SIPA1L2: variants seen among roughly 807,000 people sequenced by gnomAD.
SIPA1L2 encodes signal-induced proliferation-associated 1-like protein 2.
SIPA1L2 carries 56 observed loss-of-function variants against 163.9 expected under a neutral mutation model. The ratio of observed to expected loss-of-function variants is 0.34; its 90% CI spans 0.28 to 0.43. The LOEUF is 0.43. Ranked by LOEUF, SIPA1L2 falls within the 20% of genes least tolerant of loss-of-function variation. The pLI is 1.00. For synonymous variants in SIPA1L2, 877 were observed against 865.7 expected, an observed-to-expected ratio of 1.01 and a Z score of -0.23; for missense variants, 1,974 against 2,193.5, an observed-to-expected ratio of 0.90 and a Z score of 2.00.
chr1:232,530,485 C>T (rs1418936711), intron 2 of SIPA1L2, among the ~76,000 whole-genome samples: 1 of 152,116 alleles, frequency 6.6e-6, no homozygotes, highest in Non-Finnish European at 1.5e-5. Context: ...AAGCACATGC[C>T]TGAGGCCCTC....
At chr1:232,539,423 A>G (rs1346950205) in intron 2 of SIPA1L2, among the ~76,000 whole-genome samples, 2 of 152,238 alleles carry the variant, frequency 1.3e-5, no homozygotes, top group African/African-American at 4.8e-5. Flanking sequence ...CCTAAAAGTC[A>G]AACAACCCTG....
intron 9 of SIPA1L2, chr1:232,462,340 G>A: frequency 1.3e-6 from 2 of 1,538,170 alleles, no homozygotes; most frequent in Non-Finnish European, 1.7e-6. Flanking sequence ...TGAAGTTTCA[G>A]TTTAATGAAC....
chr1:232,436,563 A>G (rs985986695), intron 15 of SIPA1L2, among the ~76,000 whole-genome samples: 15 of 152,164 alleles, frequency 9.9e-5, no homozygotes, highest in African/African-American at 3.6e-4. Flanking sequence ...AGGGGACTGC[A>G]AGGCTGCCTG....
intron 1 of SIPA1L2, among the ~76,000 whole-genome samples, chr1:232,625,624 A>G (rs1157749129): frequency 6.6e-6 from 1 of 152,122 alleles, no homozygotes; most frequent in Non-Finnish European, 1.5e-5. Flanking sequence ...CTATGACAAG[A>G]CACTCCTGCT....
chr1:232,463,573 T>C (rs1185792274), intron 9 of SIPA1L2, among the ~76,000 whole-genome samples: 1 of 152,232 alleles, frequency 6.6e-6, no homozygotes, highest in East Asian at 1.9e-4. Flanking sequence ...AGCAAATGTA[T>C]AAAAGCCCAT....
Position 232,557,231 on chromosome 1 carries a change from C to T in SIPA1L2, c.-270+16943G>A, listed in dbSNP as rs141563484. 8.0e-3 allele frequency among the ~76,000 whole-genome samples: 1,213 copies of T among 152,208 alleles called. 15 individuals carry two copies. The highest frequency in any genetic ancestry group is 0.026 in the African/African-American group (1,067 of 41,512). On this transcript the variant is annotated intron_variant, in intron 2 of 22. Transcript: ENST00000674635. ...ATAGGAAGATATAACATACAGTGAA[C>T]GCCTGCCAGGGGTTGGGCTCCATTT...
chr1:232,577,258 A>G (rs371429598), intron 1 of SIPA1L2, among the ~76,000 whole-genome samples: 1 of 152,222 alleles, frequency 6.6e-6, no homozygotes, highest in Non-Finnish European at 1.5e-5. Context: ...ATGTGTTTAC[A>G]GCATTATTTA....
chr1:232,471,598 A>C (rs1169982856), intron 7 of SIPA1L2, 70 bp from the exon 8 acceptor site: 1 of 1,276,460 alleles, frequency 7.8e-7, no homozygotes, highest in African/African-American at 1.6e-5. Flanking sequence ...TAATTCACTC[A>C]TCTTTCAATT....
chr1:232,563,146 T>C (rs1407799329), intron 2 of SIPA1L2, among the ~76,000 whole-genome samples: 1 of 152,196 alleles, frequency 6.6e-6, no homozygotes, highest in Non-Finnish European at 1.5e-5. Flanking sequence ...ATAAACCTAT[T>C]GTGTGGTGTA....
At chr1:232,545,209 A>G (rs1169078192) in intron 2 of SIPA1L2, among the ~76,000 whole-genome samples, 2 of 152,262 alleles carry the variant, frequency 1.3e-5, no homozygotes, top group Non-Finnish European at 2.9e-5. Context: ...ACTCTTCTAC[A>G]AGGTTCCCTG....
intron 1 of SIPA1L2, among the ~76,000 whole-genome samples, chr1:232,606,279 C>T (rs140633697): frequency 5.9e-5 from 9 of 152,144 alleles, no homozygotes; most frequent in African/African-American, 1.9e-4. Context: ...CATTAACAGG[C>T]GTGAAAGAGG....
intron 18 of SIPA1L2, among the ~76,000 whole-genome samples, chr1:232,419,291 T>G (rs572406903): frequency 6.6e-6 from 1 of 152,338 alleles, no homozygotes; most frequent in South Asian, 2.1e-4. Context: ...TAGATCTCCA[T>G]GAATAATCAA....
intron 9 of SIPA1L2, among the ~76,000 whole-genome samples, chr1:232,464,041 C>G (rs1285658488): frequency 6.6e-6 from 1 of 151,712 alleles, no homozygotes; most frequent in African/African-American, 2.4e-5. Flanking sequence ...TAAACCTTTT[C>G]TAATTAAAAA....
At chr1:232,588,414 C>G (rs1401273147) in intron 1 of SIPA1L2, among the ~76,000 whole-genome samples, 1 of 152,138 alleles carries the variant, frequency 6.6e-6, no homozygotes, top group Non-Finnish European at 1.5e-5. Context: ...GACAATTTCC[C>G]TACACTTAAG....
At chr1:232,534,356 A>G (rs949527890) in intron 2 of SIPA1L2, among the ~76,000 whole-genome samples, 13 of 152,216 alleles carry the variant, frequency 8.5e-5, no homozygotes, top group African/African-American at 2.9e-4. Context: ...ATGATGTTGG[A>G]CCTTCAGCTA....
chr1:232,401,647 G>A (rs1660347518), intron 22 of SIPA1L2, among the ~76,000 whole-genome samples: 1 of 152,058 alleles, frequency 6.6e-6, no homozygotes. Context: ...TCCTATCCAA[G>A]GCCAGCTCCC....
chr1:232,629,428 AC>A (rs897847712), intron 1 of SIPA1L2, among the ~76,000 whole-genome samples: 3 of 152,162 alleles, frequency 2.0e-5, no homozygotes, highest in African/African-American at 7.2e-5. Context: ...CTCCGGGCGC[AC>A]CCCCTCTAGA....
intron 2 of SIPA1L2, among the ~76,000 whole-genome samples, chr1:232,546,975 T>A (rs889544505): frequency 6.6e-6 from 1 of 152,142 alleles, no homozygotes; most frequent in African/African-American, 2.4e-5. Flanking sequence ...AATTAAAGCA[T>A]GACAGAGCAC....
At chr1:232,413,028 C>T (rs1226642968) in intron 19 of SIPA1L2, among the ~76,000 whole-genome samples, 1 of 152,178 alleles carries the variant, frequency 6.6e-6, no homozygotes, top group African/African-American at 2.4e-5. Context: ...ATTTCCATGT[C>T]ATACTTTTTC....
Sources: allele counts gnomAD v4.1 joint callset (sites outside exome capture counted in the v4.1 genomes callset), GRCh38; gene constraint gnomAD v4.1.1; transcripts MANE v1.5; gene names NCBI Gene and HGNC (gene_info 2026-07-23, HGNC 2026-07-21).